The following ZNF385B variants were observed in gnomAD, a reference collection of about 807,000 sequenced individuals.
The protein encoded by ZNF385B is zinc finger protein 533.
In ZNF385B, 23 loss-of-function variants were observed where a neutral mutation model predicts 39.2. That is an observed-to-expected ratio of 0.59 (90% CI 0.42 to 0.83). The LOEUF is 0.83. ZNF385B is among the 40% of genes least tolerant of loss of function. The pLI, the probability that ZNF385B is intolerant of heterozygous loss-of-function variation, is 0.00. For synonymous variants in ZNF385B, 205 were observed against 222.6 expected (o/e 0.92, Z 0.70); for missense variants, 552 against 598.9 (o/e 0.92, Z 0.82).
intron 1 of ZNF385B, among the ~76,000 whole-genome samples, chr2:179,808,108 A>C (rs978862323): frequency 1.1e-4 from 16 of 151,656 alleles, no homozygotes; most frequent in East Asian, 4.0e-4. Context: ...TCTCAGCTCA[A>C]TGCAAGCTCC....
chr2:179,763,186 G>A (rs1251550429), intron 3 of ZNF385B, among the ~76,000 whole-genome samples: 1 of 152,182 alleles, frequency 6.6e-6, no homozygotes, highest in Non-Finnish European at 1.5e-5. Context: ...TTACAGGGGT[G>A]AGCTGCCACA....
intron 3 of ZNF385B, among the ~76,000 whole-genome samples, chr2:179,552,814 G>A (rs960672661): frequency 1.3e-5 from 2 of 149,282 alleles, no homozygotes; most frequent in East Asian, 3.9e-4. Context: ...CAATAACAGA[G>A]ATAACATTTT....
rs1225429130 is a variant in ZNF385B, at chr2:179,589,072, C to T, written c.299-44103G>A. Reference sequence around the variant, plus strand: ...TATCTGAAACTGTTTCATGAGTTAACTGGTACCCCATATCTTTTCAGTGAC... The same window carrying T: ...TATCTGAAACTGTTTCATGAGTTAATTGGTACCCCATATCTTTTCAGTGAC... On this transcript the variant is annotated intron_variant, in intron 3 of 9. Coordinates refer to ENST00000410066, the MANE Select transcript of ZNF385B (RefSeq NM_152520.6). Among the ~76,000 whole-genome samples, 3 of 152,246 alleles carry T rather than the reference C, an allele frequency of 2.0e-5. No individual in the cohort carries two copies. In the East Asian group the frequency reaches 5.8e-4, roughly 29 times the overall value.
At chr2:179,559,603 A>C (rs2061189467) in intron 3 of ZNF385B, among the ~76,000 whole-genome samples, 1 of 152,020 alleles carries the variant, frequency 6.6e-6, no homozygotes, top group African/African-American at 2.4e-5. Context: ...ATTTTTTAAC[A>C]TAGTCATCAA....
At chr2:179,458,816 C>G (rs996755489) in intron 6 of ZNF385B, among the ~76,000 whole-genome samples, 2 of 152,172 alleles carry the variant, frequency 1.3e-5, no homozygotes, top group Non-Finnish European at 1.5e-5. Flanking sequence ...CCTCCCTACA[C>G]CCTTCTTTGT....
At chr2:179,829,719 T>G (rs1460380480) in intron 1 of ZNF385B, among the ~76,000 whole-genome samples, 1 of 152,158 alleles carries the variant, frequency 6.6e-6, no homozygotes, top group Admixed American at 6.5e-5. Flanking sequence ...TTCACCGTGT[T>G]AGCCACGATG....
At chr2:179,612,461 A>G (rs759365238) in intron 3 of ZNF385B, among the ~76,000 whole-genome samples, 3 of 150,496 alleles carry the variant, frequency 2.0e-5, no homozygotes, top group Non-Finnish European at 4.4e-5. Context: ...AAGCCCAGTA[A>G]TGCTGTAGCT....
At chr2:179,726,788 C>T (rs1701049470) in intron 3 of ZNF385B, among the ~76,000 whole-genome samples, 1 of 152,048 alleles carries the variant, frequency 6.6e-6, no homozygotes, top group African/African-American at 2.4e-5. Flanking sequence ...GTGCTTTACA[C>T]ATCTATAGAC....
intron 3 of ZNF385B, among the ~76,000 whole-genome samples, chr2:179,732,606 G>T (rs532375868): frequency 6.6e-5 from 10 of 152,060 alleles, no homozygotes; most frequent in African/African-American, 2.4e-4. Context: ...CTCCCATTTG[G>T]GCTCAGCTGG....
chr2:179,590,780 C>G (rs1408379106), intron 3 of ZNF385B, among the ~76,000 whole-genome samples: 1 of 152,034 alleles, frequency 6.6e-6, no homozygotes, highest in Non-Finnish European at 1.5e-5. Context: ...TTCCTTTGCG[C>G]TCCCTCTCTC....
At chr2:179,484,964 C>T (rs2054412746) in intron 5 of ZNF385B, among the ~76,000 whole-genome samples, 1 of 151,942 alleles carries the variant, frequency 6.6e-6, no homozygotes, top group South Asian at 2.1e-4. Context: ...TTACATAGGC[C>T]TCTTGGTGGA....
intron 9 of ZNF385B, among the ~76,000 whole-genome samples, chr2:179,443,847 T>G (rs13027378): frequency 0.16 from 23,831 of 152,204 alleles, 1,994 homozygotes; most frequent in African/African-American, 0.21. Flanking sequence ...TTTGTTTTGT[T>G]TTTTGAGAAT....
intron 5 of ZNF385B, among the ~76,000 whole-genome samples, chr2:179,494,434 G>T (rs568430899): frequency 1.1e-4 from 16 of 151,968 alleles, no homozygotes; most frequent in African/African-American, 3.6e-4. Context: ...GAGATGAAAA[G>T]GGTTCAAAAT....
Position 179,483,299 on chromosome 2 carries a change from T to C in ZNF385B, c.688A>G (p.Ile230Val). 2 of 1,613,900 alleles carry C rather than the reference T, an allele frequency of 1.2e-6. No homozygotes were observed. Among genetic ancestry groups the C allele is most frequent in the Non-Finnish European group, 1.7e-6 (2 of 1,179,900 alleles). The change falls in exon 6 of 10, where the codon ATC becomes GTC. Residue 230 changes from isoleucine (I) to valine (V), a missense_variant. Transcript: ENST00000410066. ...KANPSCSITP[I>V]TGNNSDKSED... The stretch of plus-strand genomic sequence containing the variant: ...GATTTGTCAGAGTTGTTGCCTGTGA[T>C]TGGAGTGATGGAGCAGCTGGGATTA...
intron 1 of ZNF385B, among the ~76,000 whole-genome samples, chr2:179,794,985 G>C (rs723356): frequency 0.41 from 62,784 of 151,768 alleles, 13,141 homozygotes; most frequent in East Asian, 0.6. Context: ...AAATGAATGA[G>C]AAAATAAGGA....
chr2:179,822,223 A>T (rs1392477709), intron 1 of ZNF385B, among the ~76,000 whole-genome samples: 1 of 152,228 alleles, frequency 6.6e-6, no homozygotes, highest in African/African-American at 2.4e-5. Flanking sequence ...TTAGAGGTAG[A>T]TTGCCTGTCA....
chr2:179,495,303 G>A (rs949247174), intron 5 of ZNF385B, among the ~76,000 whole-genome samples: 1 of 152,188 alleles, frequency 6.6e-6, no homozygotes, highest in African/African-American at 2.4e-5. Flanking sequence ...AGGAAGAACT[G>A]TATTTTGTGG....
chr2:179,673,371 C>G (rs1696304226), intron 3 of ZNF385B, among the ~76,000 whole-genome samples: 1 of 152,000 alleles, frequency 6.6e-6, no homozygotes. Flanking sequence ...ACATCATACG[C>G]TTTTCACAAA....
At chr2:179,734,300 T>C (rs755915411) in intron 3 of ZNF385B, among the ~76,000 whole-genome samples, 1 of 152,196 alleles carries the variant, frequency 6.6e-6, no homozygotes, top group African/African-American at 2.4e-5. Flanking sequence ...CTAAATCTGG[T>C]AGTGAAATTG....
Sources: allele counts gnomAD v4.1 joint callset (sites outside exome capture counted in the v4.1 genomes callset), GRCh38; gene constraint gnomAD v4.1.1; transcripts MANE v1.5; gene names NCBI Gene and HGNC (gene_info 2026-07-23, HGNC 2026-07-21).